Variants in ADARB2 observed in about 807,000 individuals in gnomAD.
ADARB2 encodes the protein adenosine deaminase RNA specific B2 (inactive).
Under a neutral mutation model 62.2 loss-of-function variants are expected in ADARB2, and 25 were observed. The ratio of observed to expected loss-of-function variants is 0.40; its 90% CI spans 0.29 to 0.56. The LOEUF (loss-of-function observed/expected upper bound fraction) is 0.56, where lower values mean the gene tolerates loss of function less well. ADARB2 is among the 20% of genes least tolerant of loss of function. The probability of loss-of-function intolerance (pLI) is 0.43; values close to 1 mark genes in which losing one functional copy is unlikely to be tolerated. For synonymous variants in ADARB2, 572 were observed against 500.8 expected (o/e 1.14, Z -1.90); for missense variants, 1,071 against 1,077.4 (o/e 0.99, Z 0.08).
At chr10:1,587,546 T>C (rs1833197086) in intron 1 of ADARB2, among the ~76,000 whole-genome samples, 1 of 152,214 alleles carries the variant, frequency 6.6e-6, no homozygotes, top group Non-Finnish European at 1.5e-5. Context: ...GTTTTGATTT[T>C]TTTTTTCATA....
intron 1 of ADARB2, among the ~76,000 whole-genome samples, chr10:1,613,129 A>G (rs181886413): frequency 4.7e-4 from 72 of 152,304 alleles, no homozygotes; most frequent in African/African-American, 1.6e-3. Context: ...ATAAAAGTAA[A>G]CTTTACTGTT....
rs138805670 is a variant in ADARB2 at position 1,725,635 on chromosome 10, C to T, written c.100+11416G>A. ...ATTACCCACCCACCCGGGGCAACAC[C>T]CGAGAGAGCAGGGAGCAAAGACATT... On this transcript the variant is annotated intron_variant, in intron 1 of 9. Coordinates refer to ENST00000381312, the MANE Select transcript of ADARB2 (RefSeq NM_018702.4). 2.9e-3 allele frequency among the ~76,000 whole-genome samples: 444 copies of T among 152,342 alleles called. 4 individuals are homozygous for T. The highest frequency in any genetic ancestry group is 0.01 in the African/African-American group (428 of 41,566).
At chr10:1,518,064 A>T (rs1379965221) in intron 1 of ADARB2, among the ~76,000 whole-genome samples, 1 of 152,172 alleles carries the variant, frequency 6.6e-6, no homozygotes, top group African/African-American at 2.4e-5. Flanking sequence ...GCATAGAAAG[A>T]CAGATGAGAC....
intron 1 of ADARB2, among the ~76,000 whole-genome samples, chr10:1,569,648 A>G (rs1231569351): frequency 6.6e-6 from 1 of 152,212 alleles, no homozygotes; most frequent in Non-Finnish European, 1.5e-5. Context: ...TTAGAAATTA[A>G]ATGCAACCAT....
At chr10:1,482,001 C>T (rs913783245) in intron 1 of ADARB2, among the ~76,000 whole-genome samples, 5 of 152,152 alleles carry the variant, frequency 3.3e-5, no homozygotes, top group African/African-American at 1.2e-4. Flanking sequence ...AGATGCTCAA[C>T]ATGACAAATT....
intron 1 of ADARB2, among the ~76,000 whole-genome samples, chr10:1,563,994 T>A (rs1588304335): frequency 6.7e-6 from 1 of 150,176 alleles, no homozygotes; most frequent in African/African-American, 2.5e-5. Context: ...TATTCCATGG[T>A]GTATATGTGC....
chr10:1,429,791 T>C (rs1321025824), intron 1 of ADARB2, among the ~76,000 whole-genome samples: 1 of 152,222 alleles, frequency 6.6e-6, no homozygotes, highest in East Asian at 1.9e-4. Context: ...TTCTCTTCCT[T>C]ATCTAACTGC....
At position 1,568,704 on chromosome 10, in the gene ADARB2, A is replaced by G. The variant is rs768808924; in HGVS notation, c.100+168347T>C. ...GAGTTTGGAGACCAGGCCCTTGGAC[A>G]GGTAAGCAGATCTGATTTACTGACA... On this transcript the variant is annotated intron_variant, in intron 1 of 9. Coordinates refer to ENST00000381312, the MANE Select transcript of ADARB2 (RefSeq NM_018702.4). 1.2e-3 allele frequency among the ~76,000 whole-genome samples: 184 copies of G among 152,176 alleles called. 1 individual carries two copies. The highest frequency in any genetic ancestry group is 5.0e-4 in the Non-Finnish European group (34 of 68,026).
At chr10:1,653,919 C>G (rs748410439) in intron 1 of ADARB2, among the ~76,000 whole-genome samples, 9 of 152,120 alleles carry the variant, frequency 5.9e-5, no homozygotes, top group Admixed American at 2.6e-4. Context: ...AGTCAGGACC[C>G]CCAGGAGGGA....
intron 4 of ADARB2, among the ~76,000 whole-genome samples, chr10:1,268,565 A>G (rs758389725): frequency 6.6e-6 from 1 of 152,248 alleles, no homozygotes; most frequent in Non-Finnish European, 1.5e-5. Flanking sequence ...CTAGAACAAG[A>G]CATATTACTC....
chr10:1,476,375 G>A (rs1831401233), intron 1 of ADARB2, among the ~76,000 whole-genome samples: 1 of 152,218 alleles, frequency 6.6e-6, no homozygotes, highest in African/African-American at 2.4e-5. Context: ...GAGCTGGGCT[G>A]AGTGGGAAGA....
At chr10:1,278,279 T>A (rs1831338143) in intron 3 of ADARB2, among the ~76,000 whole-genome samples, 1 of 149,166 alleles carries the variant, frequency 6.7e-6, no homozygotes, top group South Asian at 2.1e-4. Flanking sequence ...CCACACCCGG[T>A]CCTTTTTTTC....
chr10:1,437,447 G>A (rs1385776333), intron 1 of ADARB2, among the ~76,000 whole-genome samples: 1 of 152,128 alleles, frequency 6.6e-6, no homozygotes, highest in East Asian at 1.9e-4. Context: ...ACTAAGAAGC[G>A]ACTCCAGCCA....
intron 1 of ADARB2, among the ~76,000 whole-genome samples, chr10:1,403,021 T>C (rs1351868087): frequency 6.6e-6 from 1 of 150,718 alleles, no homozygotes; most frequent in Non-Finnish European, 1.5e-5. Context: ...TCCGTCTTCC[T>C]GCTGGGGCAG....
At chr10:1,717,293 A>T (rs1288107382) in intron 1 of ADARB2, among the ~76,000 whole-genome samples, 1 of 148,688 alleles carries the variant, frequency 6.7e-6, no homozygotes, top group Non-Finnish European at 1.5e-5. Context: ...ATTTGGTTGC[A>T]CAGGGATCTG....
At chr10:1,314,440 T>TC (rs1831719098) in intron 3 of ADARB2, among the ~76,000 whole-genome samples, 2 of 114,542 alleles carry the variant, frequency 1.7e-5, no homozygotes, top group African/African-American at 7.2e-5. Context: ...CTGCAGCCAG[T>TC]CCTTCCTCCT....
At chr10:1,194,914 T>C (rs1237981591) in intron 8 of ADARB2, among the ~76,000 whole-genome samples, 1 of 152,234 alleles carries the variant, frequency 6.6e-6, no homozygotes, top group African/African-American at 2.4e-5. Context: ...CTGTGTCTGC[T>C]TGTTTTTTGT....
chr10:1,523,264 T>A (rs1306836528), intron 1 of ADARB2, among the ~76,000 whole-genome samples: 1 of 152,210 alleles, frequency 6.6e-6, no homozygotes, highest in East Asian at 1.9e-4. Context: ...CTTAGATATG[T>A]AACGTAGGCA....
intron 1 of ADARB2, among the ~76,000 whole-genome samples, chr10:1,736,095 C>T (rs79773754): frequency 0.015 from 2,351 of 152,260 alleles, 59 homozygotes; most frequent in African/African-American, 0.046. Flanking sequence ...TAAAAAAAAT[C>T]AGCACATTTC....
Sources: gnomAD v4.1 joint callset for allele counts (sites outside exome capture counted in the v4.1 genomes callset) on GRCh38, gnomAD v4.1.1 for gene constraint, MANE v1.5 for transcripts, NCBI Gene and HGNC (gene_info 2026-07-23, HGNC 2026-07-21) for gene names.